PRR16: variants seen among roughly 807,000 people sequenced by gnomAD.
The protein encoded by PRR16 is proline rich 16, also known as protein Largen.
PRR16 carries 6 observed loss-of-function variants against 18.2 expected under a neutral mutation model. The observed-to-expected ratio is 0.33, with a 90% confidence interval of 0.18 to 0.65. The LOEUF (loss-of-function observed/expected upper bound fraction) is 0.65, where lower values mean the gene tolerates loss of function less well. Ranked by LOEUF, PRR16 falls within the 30% of genes least tolerant of loss-of-function variation. PRR16 has a pLI of 0.74. For missense variants in PRR16, 412 were observed against 376.6 expected (o/e 1.09, Z -0.78); for synonymous variants, 151 against 147.8 (o/e 1.02, Z -0.16).
intron 1 of PRR16, among the ~76,000 whole-genome samples, chr5:120,567,190 C>T (rs1210530470): frequency 6.6e-6 from 1 of 152,084 alleles, no homozygotes; most frequent in Non-Finnish European, 1.5e-5. Flanking sequence ...TTTTATTCAT[C>T]CAGTGACCAG....
chr5:120,761,430 A>G, the PRR16 span, among the ~76,000 whole-genome samples: 7 of 152,152 alleles, frequency 4.6e-5, no homozygotes, highest in South Asian at 2.1e-4. Flanking sequence ...CTCAAAGACT[A>G]TATCTATAAA....
chr5:120,607,160 T>G (rs1188521261), intron 1 of PRR16, among the ~76,000 whole-genome samples: 1 of 152,216 alleles, frequency 6.6e-6, no homozygotes, highest in Admixed American at 6.5e-5. Flanking sequence ...TTCAATAAAC[T>G]ATTTGAGACA....
chr5:120,597,297 C>G (rs1335372627), intron 1 of PRR16, among the ~76,000 whole-genome samples: 2 of 151,446 alleles, frequency 1.3e-5, no homozygotes, highest in Non-Finnish European at 3.0e-5. Flanking sequence ...AAAATTTTCA[C>G]CATTGCTATG....
the PRR16 span, among the ~76,000 whole-genome samples, chr5:120,727,300 C>G: frequency 4.6e-5 from 7 of 152,016 alleles, no homozygotes; most frequent in Admixed American, 1.3e-4. Flanking sequence ...TTTATGGCTT[C>G]AAGTCCACTT....
intron 1 of PRR16, among the ~76,000 whole-genome samples, chr5:120,558,804 C>T (rs1752492074): frequency 6.6e-6 from 1 of 151,916 alleles, no homozygotes; most frequent in African/African-American, 2.4e-5. Context: ...TCCTTTCCAG[C>T]AATTGTTATT....
At chr5:120,566,582 G>A (rs1289455922) in intron 1 of PRR16, among the ~76,000 whole-genome samples, 1 of 152,080 alleles carries the variant, frequency 6.6e-6, no homozygotes, top group Non-Finnish European at 1.5e-5. Flanking sequence ...AAGTATTTTA[G>A]ATCACTGATT....
intron 1 of PRR16, among the ~76,000 whole-genome samples, chr5:120,641,437 G>A (rs1200670696): frequency 6.6e-6 from 1 of 152,070 alleles, no homozygotes; most frequent in African/African-American, 2.4e-5. Context: ...GCATAGGAAA[G>A]GGAAGAAAAT....
the PRR16 span, among the ~76,000 whole-genome samples, chr5:120,743,360 A>G: frequency 2.0e-5 from 3 of 151,778 alleles, no homozygotes; most frequent in Non-Finnish European, 2.9e-5. Context: ...AAGTCTCACC[A>G]CTGGTATATT....
At chr5:120,786,124 C>A in the PRR16 span, among the ~76,000 whole-genome samples, 1 of 149,850 alleles carries the variant, frequency 6.7e-6, no homozygotes. Flanking sequence ...AAATGCATAC[C>A]TGTTATGTTG....
At chr5:120,720,885 C>G in the PRR16 span, among the ~76,000 whole-genome samples, 4 of 151,990 alleles carry the variant, frequency 2.6e-5, no homozygotes. Flanking sequence ...TTCAAATACC[C>G]TATCCTTCAG....
chr5:120,611,623 A>G (rs982667360), intron 1 of PRR16, among the ~76,000 whole-genome samples: 30 of 152,218 alleles, frequency 2.0e-4, no homozygotes, highest in Non-Finnish European at 1.5e-5. Context: ...TGAGCCTGCA[A>G]GTACACAGAA....
chr5:120,770,810 C>T, the PRR16 span, among the ~76,000 whole-genome samples: 3 of 151,930 alleles, frequency 2.0e-5, no homozygotes, highest in African/African-American at 7.2e-5. Context: ...TTTGTAAATT[C>T]TTACAAATAC....
chr5:120,504,876 C>A (rs1159778392), intron 1 of PRR16, among the ~76,000 whole-genome samples: 4 of 152,120 alleles, frequency 2.6e-5, no homozygotes, highest in African/African-American at 4.8e-5. Flanking sequence ...CCCATAGTTA[C>A]AGATCTGTAG....
chr5:120,597,171 G>T (rs1263574626), intron 1 of PRR16, among the ~76,000 whole-genome samples: 1 of 151,380 alleles, frequency 6.6e-6, no homozygotes, highest in Non-Finnish European at 1.5e-5. Context: ...ATTTATAGAA[G>T]ACTTTATTTA....
chr5:120,509,727 A>G (rs1231752693), intron 1 of PRR16, among the ~76,000 whole-genome samples: 2 of 152,178 alleles, frequency 1.3e-5, no homozygotes, highest in African/African-American at 2.4e-5. Context: ...TAGAGCAGGA[A>G]GAAATTAATT....
chr5:120,725,600 C>T, the PRR16 span, among the ~76,000 whole-genome samples: 1 of 151,898 alleles, frequency 6.6e-6, no homozygotes, highest in African/African-American at 2.4e-5. Context: ...TTGCTTGAGC[C>T]CAGGATTTTT....
intron 1 of PRR16, among the ~76,000 whole-genome samples, chr5:120,491,921 C>T (rs1257010749): frequency 6.6e-6 from 1 of 151,940 alleles, no homozygotes; most frequent in African/African-American, 2.4e-5. Context: ...TGTCACTTCC[C>T]AAATCATACA....
At chr5:120,706,466 T>A in the PRR16 span, among the ~76,000 whole-genome samples, 43 of 152,194 alleles carry the variant, frequency 2.8e-4, no homozygotes, top group African/African-American at 9.9e-4. Context: ...TTTCTTCATT[T>A]AACAAAACAG....
intron 1 of PRR16, among the ~76,000 whole-genome samples, chr5:120,495,560 T>C (rs934595653): frequency 5.9e-5 from 9 of 152,138 alleles, no homozygotes; most frequent in African/African-American, 2.2e-4. Flanking sequence ...TTTTGGACTT[T>C]GTGGAATTTC....
Sources: gnomAD v4.1 joint callset for allele counts (sites outside exome capture counted in the v4.1 genomes callset) on GRCh38, gnomAD v4.1.1 for gene constraint, MANE v1.5 for transcripts, NCBI Gene and HGNC (gene_info 2026-07-23, HGNC 2026-07-21) for gene names.